Variants in ADAM23 observed in about 807,000 individuals in gnomAD.
ADAM23 encodes ADAM metallopeptidase domain 23.
ADAM23 carries 33 observed loss-of-function variants against 120.1 expected under a neutral mutation model. The observed-to-expected ratio is 0.27, with a 90% confidence interval of 0.21 to 0.37. The LOEUF is 0.37. Among genes scored for constraint, ADAM23 ranks in the 10% least tolerant of loss-of-function variants. The pLI is 1.00. For missense variants in ADAM23, 862 were observed against 1,058.2 expected (o/e 0.81, Z 2.57); for synonymous variants, 367 against 375.2 (o/e 0.98, Z 0.25).
chr2:206,595,710 G>A (rs1285956231), intron 23 of ADAM23, among the ~76,000 whole-genome samples: 1 of 151,980 alleles, frequency 6.6e-6, no homozygotes. Flanking sequence ...GTAGAAAAAA[G>A]TATCTTATCA....
rs890209286 is a variant in ADAM23, at chr2:206,502,328, A to G, written c.509+21020A>G. On this transcript the variant is annotated intron_variant, in intron 3 of 25. Transcript: ENST00000264377. ...GTAGTTATTTTCTCCTGTGTTACCT[A>G]TGAGCCAGCAGAAACTTTTCTTCTG... Among the ~76,000 whole-genome samples, 8 of 152,126 alleles carry G rather than the reference A, an allele frequency of 5.3e-5. No homozygotes were observed. The East Asian group carries it at 5.8e-4, about 11-fold the overall frequency.
chr2:206,571,516 C>T (rs1697999729), intron 16 of ADAM23, among the ~76,000 whole-genome samples: 1 of 152,064 alleles, frequency 6.6e-6, no homozygotes, highest in Non-Finnish European at 1.5e-5. Context: ...TTTCTATTTG[C>T]TATTGAAGTC....
intron 16 of ADAM23, 27 bp from the exon 17 acceptor site, chr2:206,571,700 C>T (rs1490181061): frequency 1.9e-6 from 3 of 1,577,724 alleles, no homozygotes; most frequent in Non-Finnish European, 2.6e-6. Context: ...AGGCTCTTCG[C>T]TTACTCACGT....
In ADAM23 at chr2:206,620,601, T is replaced by G. The variant is rs1197721077; in HGVS notation, c.*2974T>G. ...AATGTTACCCAACAAGAGTTAGTGT[T>G]AAGTGATGATCAAGTTCCCATTTCA... On this transcript the variant is annotated 3_prime_UTR_variant, in exon 26 of 26. Coordinates refer to ENST00000264377, the MANE Select transcript of ADAM23 (RefSeq NM_003812.4). The G allele has an allele frequency of 6.6e-6, 1 of 152,168 alleles. No individual in the cohort carries two copies. Among genetic ancestry groups the G allele is most frequent in the Non-Finnish European group, 1.5e-5 (1 of 68,032 alleles). The allele number at this position is 152,168 out of a possible 1,614,324, so 9.4% of individuals were successfully genotyped here.
intron 24 of ADAM23, among the ~76,000 whole-genome samples, chr2:206,608,886 T>G (rs1312135568): frequency 6.6e-6 from 1 of 152,192 alleles, no homozygotes; most frequent in African/African-American, 2.4e-5. Flanking sequence ...TTCGGGAAAC[T>G]AGCAACATTG....
At chr2:206,455,088 A>G (rs1368666801) in intron 2 of ADAM23, among the ~76,000 whole-genome samples, 1 of 152,240 alleles carries the variant, frequency 6.6e-6, no homozygotes, top group Non-Finnish European at 1.5e-5. Flanking sequence ...CTGCCCTCAT[A>G]GAGGTTCTCC....
At chr2:206,586,681 G>C (rs1698328113) in intron 18 of ADAM23, among the ~76,000 whole-genome samples, 1 of 152,210 alleles carries the variant, frequency 6.6e-6, no homozygotes, top group African/African-American at 2.4e-5. Flanking sequence ...CTTAAATGTA[G>C]TCAATAAAAT....
Position 206,443,807 on chromosome 2 carries a change from C to T in ADAM23, c.-60C>T, listed in dbSNP as rs897416693. 8.1e-6 allele frequency: 8 copies of T among 982,898 alleles called. No individual in the cohort carries two copies. The African/African-American group carries it at 1.2e-4, about 15-fold the overall frequency. The allele number at this position is 982,898 out of a possible 1,614,324, so 60.9% of individuals were successfully genotyped here. ...CGTGACCGGCTCCGCCCGCGGCCGC[C>T]CCGCAGCTAGCCCGGCGCTCTCGCC... is the stretch of plus-strand genomic sequence containing the variant. On this transcript the variant is annotated 5_prime_UTR_variant, in exon 1 of 26. Coordinates refer to ENST00000264377, the MANE Select transcript of ADAM23 (RefSeq NM_003812.4).
At chr2:206,499,358 C>T (rs1234142313) in intron 3 of ADAM23, among the ~76,000 whole-genome samples, 1 of 151,178 alleles carries the variant, frequency 6.6e-6, no homozygotes, top group Non-Finnish European at 1.5e-5. Flanking sequence ...ATGGATGAAG[C>T]TGGAAACCAT....
chr2:206,583,320 A>G (rs1698255842), intron 18 of ADAM23, among the ~76,000 whole-genome samples: 1 of 152,078 alleles, frequency 6.6e-6, no homozygotes, highest in East Asian at 1.9e-4. Context: ...CGGGCGTGGT[A>G]ACGAGCGCCT....
At chr2:206,499,616 G>C (rs1013675016) in intron 3 of ADAM23, among the ~76,000 whole-genome samples, 1 of 151,812 alleles carries the variant, frequency 6.6e-6, no homozygotes, top group Non-Finnish European at 1.5e-5. Context: ...TTGTGCACAT[G>C]TACCCTAAAA....
At chr2:206,537,313 A>T (rs1393246583) in intron 4 of ADAM23, among the ~76,000 whole-genome samples, 1 of 152,088 alleles carries the variant, frequency 6.6e-6, no homozygotes, top group East Asian at 1.9e-4. Context: ...ATGGATTGTG[A>T]TCAGGTGGAG....
rs375863378 is a variant in ADAM23 at position 206,550,091 on chromosome 2, G to A, written c.868-4G>A. On this transcript the variant is annotated splice_polypyrimidine_tract_variant and splice_region_variant and intron_variant, in intron 8 of 25. Transcript: ENST00000264377. The stretch of plus-strand genomic sequence containing the variant: ...TTCTGACCATATATTTTTATTTTCC[G>A]TAGCCATCACGTGGTATATTTGAAG... 2.5e-5 allele frequency: 39 copies of A among 1,548,990 alleles called. No homozygotes were observed. The highest frequency in any genetic ancestry group is 6.9e-5 in the East Asian group (3 of 43,614).
At chr2:206,446,199 A>G (rs930316445) in intron 2 of ADAM23, among the ~76,000 whole-genome samples, 2 of 152,222 alleles carry the variant, frequency 1.3e-5, no homozygotes, top group Admixed American at 1.3e-4. Context: ...TAGTTCAGAA[A>G]GTGGAACTGA....
intron 23 of ADAM23, 120 bp from the exon 24 acceptor site, chr2:206,595,931 A>T: frequency 1.4e-6 from 1 of 728,022 alleles, no homozygotes; most frequent in Non-Finnish European, 2.3e-6. Context: ...GGGAAACTTT[A>T]AAAAGAAATT....
chr2:206,595,554 C>T (rs957682861), intron 23 of ADAM23, among the ~76,000 whole-genome samples: 4 of 152,098 alleles, frequency 2.6e-5, no homozygotes, highest in Non-Finnish European at 4.4e-5. Flanking sequence ...GACGTGGTAA[C>T]GGTGAGGTCA....
intron 12 of ADAM23, 49 bp downstream of exon 12, chr2:206,561,261 C>G: frequency 6.7e-7 from 1 of 1,489,744 alleles, no homozygotes; most frequent in Non-Finnish European, 9.4e-7. Context: ...TCTCTTTTTT[C>G]CCTATGGCCC....
Position 206,605,974 on chromosome 2 carries a change from G to A in ADAM23, c.2360-3936G>A, listed in dbSNP as rs182037082. ...GACTCCATGTCTCGTCCTGTTGACC[G>A]TGTTTCCTGTGGTAGTGCACCTTGT... On this transcript the variant is annotated intron_variant, in intron 24 of 25. Coordinates refer to ENST00000264377, the MANE Select transcript of ADAM23 (RefSeq NM_003812.4). 248 of 586,492 alleles carry A rather than the reference G, an allele frequency of 4.2e-4. 3 individuals are homozygous for A. In the East Asian group the frequency reaches 6.3e-3, roughly 15 times the overall value. The allele number at this position is 586,492 out of a possible 1,614,324, so 36.3% of individuals were successfully genotyped here. A position where few individuals can be genotyped will look rare whatever the true frequency, so the allele number is the denominator to read the frequency against.
Position 206,542,151 on chromosome 2 carries a change from T to C in ADAM23, c.656+17T>C, listed in dbSNP as rs764194899. On this transcript the variant is annotated intron_variant, in intron 5 of 25. Transcript: ENST00000264377. ...TGGACTTCAGTAAGTGGGAATCTCA[T>C]TGGCATTTTATTCATTGACCCTTTC... 1 of 1,611,406 alleles carries C rather than the reference T, an allele frequency of 6.2e-7. No individual in the cohort carries two copies. Among genetic ancestry groups the C allele is most frequent in the Non-Finnish European group, 8.5e-7 (1 of 1,177,474 alleles).
Sources: allele counts gnomAD v4.1 joint callset (sites outside exome capture counted in the v4.1 genomes callset), GRCh38; gene constraint gnomAD v4.1.1; transcripts MANE v1.5; gene names NCBI Gene and HGNC (gene_info 2026-07-23, HGNC 2026-07-21).